COL17A1: variants seen among roughly 807,000 people sequenced by gnomAD.
The protein encoded by COL17A1 is collagen type XVII alpha 1 chain, also known as collagen alpha-1(XVII) chain.
A neutral mutation model predicts 218.4 loss-of-function variants in COL17A1; 181 were observed. The ratio of observed to expected loss-of-function variants is 0.83; its 90% CI spans 0.73 to 0.94. The LOEUF is 0.94. Ranked by LOEUF, COL17A1 falls within the 40% of genes least tolerant of loss-of-function variation. The pLI is 0.00. For missense variants in COL17A1, 1,924 were observed against 1,945.9 expected (o/e 0.99, Z 0.21); for synonymous variants, 721 against 731.0 (o/e 0.99, Z 0.22).
Position 104,033,994 on chromosome 10 carries a change from T to G in COL17A1, c.4107A>C (p.Gly1369=). Residue 1369 remains glycine (G), a synonymous_variant, in exon 52 of 56, where the codon GGA becomes GGC. Transcript: ENST00000648076. The part of the protein sequence containing the change: ...NGGLLGADFA[G]DLDYNELAVR... Reference sequence around the variant, plus strand: ...CAGCCAGCTCATTGTAATCCAGATCTCCAGCAAAGTCAGCTCCCAATAGTC... The same window carrying G: ...CAGCCAGCTCATTGTAATCCAGATCGCCAGCAAAGTCAGCTCCCAATAGTC... 6.2e-7 allele frequency: 1 copy of G among 1,614,164 alleles called. No individual in the cohort carries two copies. Among genetic ancestry groups the G allele is most frequent in the Non-Finnish European group, 8.5e-7 (1 of 1,180,030 alleles).
At chr10:104,058,744 C>G (rs534006510) in intron 15 of COL17A1, among the ~76,000 whole-genome samples, 3 of 152,080 alleles carry the variant, frequency 2.0e-5, no homozygotes, top group Admixed American at 6.5e-5. Flanking sequence ...CCAGCCTGGC[C>G]AACATGGTGA....
At chr10:104,080,759 G>A in intron 1 of COL17A1, 75 bp from the exon 2 acceptor site, 1 of 1,448,908 alleles carries the variant, frequency 6.9e-7, no homozygotes, top group Admixed American at 1.8e-5. Flanking sequence ...CACTGTTGAA[G>A]CTGATAACCA....
At chr10:104,039,912 G>A (rs2086341199) in intron 41 of COL17A1, 61 bp downstream of exon 41, 2 of 1,602,198 alleles carry the variant, frequency 1.2e-6, no homozygotes, top group Non-Finnish European at 1.7e-6. Context: ...GCTCTTGGGA[G>A]GTGAGCTTTT....
intron 39 of COL17A1, 38 bp from the exon 40 acceptor site, chr10:104,040,448 T>A: frequency 1.4e-6 from 2 of 1,423,960 alleles, no homozygotes; most frequent in Middle Eastern, 1.7e-4. Context: ...TGGACACTGA[T>A]GTTTGTGAAG....
chr10:104,077,250 G>A (rs1448771279), intron 4 of COL17A1, among the ~76,000 whole-genome samples, 172 bp downstream of exon 4: 1 of 152,212 alleles, frequency 6.6e-6, no homozygotes, highest in Non-Finnish European at 1.5e-5. Flanking sequence ...ATAGCTGTGT[G>A]TTATTTAGAT....
intron 20 of COL17A1, among the ~76,000 whole-genome samples, chr10:104,054,596 G>A (rs113524242): frequency 5.3e-4 from 80 of 152,288 alleles, no homozygotes; most frequent in African/African-American, 1.8e-3. Context: ...AGTGAGGAGG[G>A]AGCTGGAGAG....
chr10:104,033,557 G>T (rs892725142), intron 52 of COL17A1, among the ~76,000 whole-genome samples, 182 bp from the exon 53 acceptor site: 2 of 152,230 alleles, frequency 1.3e-5, no homozygotes, highest in Non-Finnish European at 2.9e-5. Flanking sequence ...GTCTCTTCCT[G>T]CTGTGGGCCG....
chr10:104,064,816 G>A (rs1488345882), intron 9 of COL17A1, among the ~76,000 whole-genome samples: 1 of 152,140 alleles, frequency 6.6e-6, no homozygotes, highest in Non-Finnish European at 1.5e-5. Flanking sequence ...CTGGCTCCTG[G>A]TAAAATCTGA....
intron 13 of COL17A1, 114 bp downstream of exon 13, chr10:104,061,291 C>T: frequency 2.8e-6 from 3 of 1,081,708 alleles, no homozygotes; most frequent in Non-Finnish European, 4.0e-6. Context: ...CTCATGGGTC[C>T]TATTTCCTCT....
rs199616743 is a variant in COL17A1, at chr10:104,047,187, T to C, written c.2336-414A>G. Among the ~76,000 whole-genome samples, 8 of 152,174 alleles carry C rather than the reference T, an allele frequency of 5.3e-5. No individual in the cohort carries two copies. The East Asian group carries it at 1.6e-3, about 30-fold the overall frequency. ...GGCCCCCGATGAATGCCCACCCGCC[T>C]TGACCACACAGCTTTCTTGGCTGGT... On this transcript the variant is annotated intron_variant, in intron 31 of 55. Coordinates refer to ENST00000648076, the MANE Select transcript of COL17A1 (RefSeq NM_000494.4).
In COL17A1 at chr10:104,062,331, T is replaced by G; in HGVS notation, c.839-2A>C. ...CCAGATTGTTCTGCATGCCAAACAC[T>G]GTGAAAGCAACCAAGGTCAGGTGAG... On this transcript the variant is annotated splice_acceptor_variant, in intron 11 of 55. Coordinates refer to ENST00000648076, the MANE Select transcript of COL17A1 (RefSeq NM_000494.4). LOFTEE classifies it high-confidence loss of function. 1.2e-6 allele frequency: 2 copies of G among 1,614,182 alleles called. No individual in the cohort carries two copies. The highest frequency in any genetic ancestry group is 3.3e-4 in the Middle Eastern group (2 of 6,062).
intron 4 of COL17A1, 89 bp from the exon 5 acceptor site, chr10:104,076,518 C>T: frequency 6.3e-7 from 1 of 1,586,814 alleles, no homozygotes; most frequent in South Asian, 1.1e-5. Flanking sequence ...TAACCAAGTA[C>T]ACTCAGGGAG....
At chr10:104,059,349 T>C (rs1205543828) in intron 15 of COL17A1, 2 of 466,804 alleles carry the variant, frequency 4.3e-6, no homozygotes, top group African/African-American at 2.0e-5. Flanking sequence ...GTTCTGAAGA[T>C]TATGGAGAAA....
chr10:104,032,531 T>G, intron 55 of COL17A1, 143 bp downstream of exon 55: 1 of 916,004 alleles, frequency 1.1e-6, no homozygotes, highest in South Asian at 1.4e-5. Context: ...ATGCAAATTC[T>G]GCTTTTGGCA....
intron 15 of COL17A1, 160 bp downstream of exon 15, chr10:104,059,478 C>T: frequency 1.4e-6 from 1 of 704,762 alleles, no homozygotes; most frequent in Middle Eastern, 3.6e-4. Context: ...CTCAGCAGAT[C>T]TGAGCTAGGG....
At chr10:104,083,023 T>A (rs184418051) in intron 1 of COL17A1, among the ~76,000 whole-genome samples, 260 of 152,302 alleles carry the variant, frequency 1.7e-3, no homozygotes, top group Non-Finnish European at 2.5e-3. Context: ...CACCCCAATG[T>A]CTGTGTGTTC....
chr10:104,055,613 C>T (rs1418121401), intron 18 of COL17A1, among the ~76,000 whole-genome samples, 169 bp downstream of exon 18: 3 of 152,126 alleles, frequency 2.0e-5, no homozygotes, highest in Admixed American at 6.5e-5. Flanking sequence ...TAAAGTGGGA[C>T]CACAGTCTTG....
At chr10:104,068,990 C>T (rs967035162) in intron 9 of COL17A1, among the ~76,000 whole-genome samples, 1 of 152,220 alleles carries the variant, frequency 6.6e-6, no homozygotes, top group African/African-American at 2.4e-5. Context: ...AAGGAATTCA[C>T]TGGGGTCCCC....
At chr10:104,036,460 C>T in intron 48 of COL17A1, 32 bp downstream of exon 48, 2 of 1,613,534 alleles carry the variant, frequency 1.2e-6, no homozygotes, top group Non-Finnish European at 1.7e-6. Context: ...CATCCCAGGC[C>T]CTTCCCAACC....
Sources: allele counts gnomAD v4.1 joint callset (sites outside exome capture counted in the v4.1 genomes callset), GRCh38; gene constraint gnomAD v4.1.1; transcripts MANE v1.5; gene names NCBI Gene and HGNC (gene_info 2026-07-23, HGNC 2026-07-21).